Variants in MKX observed in about 807,000 individuals in gnomAD.
The protein encoded by MKX is homeobox protein Mohawk.
In MKX, 13 loss-of-function variants were observed where a neutral mutation model predicts 36.0. The ratio of observed to expected loss-of-function variants is 0.36; its 90% confidence interval spans 0.24 to 0.57. MKX has a LOEUF of 0.57. Among genes scored for constraint, MKX ranks in the 20% least tolerant of loss-of-function variants. MKX has a pLI of 0.79. For synonymous variants in MKX, 176 were observed against 178.3 expected (o/e 0.99, Z 0.10); for missense variants, 458 against 456.4 (o/e 1.00, Z -0.03).
rs1460647858 is a variant in MKX at position 27,674,670 on chromosome 10, C to T, written c.*559G>A. On this transcript the variant is annotated 3_prime_UTR_variant, in exon 7 of 7. Coordinates refer to ENST00000419761, the MANE Select transcript of MKX (RefSeq NM_173576.3). ...TGAATTTTGGAAGTTTGTAACATAT[C>T]AAATATGCAGGCAAGATACATGCAT... 1 of 152,206 alleles carries T rather than the reference C, an allele frequency of 6.6e-6. No individual in the cohort carries two copies. The highest frequency in any genetic ancestry group is 2.4e-5 in the African/African-American group (1 of 41,428). The allele number at this position is 152,206 out of a possible 1,614,324, so 9.4% of individuals were successfully genotyped here. A position where few individuals can be genotyped will look rare whatever the true frequency, so the allele number is the denominator to read the frequency against.
intron 5 of MKX, among the ~76,000 whole-genome samples, chr10:27,722,614 C>T (rs12246640): frequency 0.047 from 7,166 of 152,260 alleles, 551 homozygotes; most frequent in African/African-American, 0.16. Context: ...GCTCTGTCCA[C>T]ATTATAGCTT....
In MKX at chr10:27,673,470, G is replaced by T. The variant is rs1346441835; in HGVS notation, c.*1759C>A. ...TTTTCATTGACATGCTCACATTTTG[G>T]CATTTTTGTATTGTTTTGCAAAGAT... On this transcript the variant is annotated 3_prime_UTR_variant, in exon 7 of 7. Coordinates refer to ENST00000419761, the MANE Select transcript of MKX (RefSeq NM_173576.3). The T allele has an allele frequency of 6.6e-6, 1 of 152,366 alleles. No homozygotes were observed. Among genetic ancestry groups the T allele is most frequent in the Non-Finnish European group, 1.5e-5 (1 of 67,974 alleles). The allele number at this position is 152,366 out of a possible 1,614,324, so 9.4% of individuals were successfully genotyped here.
chr10:27,715,221 A>T (rs888804553), intron 5 of MKX, among the ~76,000 whole-genome samples: 1 of 152,074 alleles, frequency 6.6e-6, no homozygotes, highest in Non-Finnish European at 1.5e-5. Flanking sequence ...TGCCCTGGAC[A>T]CTGTGTTATG....
At chr10:27,692,864 G>A (rs57704247) in intron 5 of MKX, among the ~76,000 whole-genome samples, 10,050 of 152,174 alleles carry the variant, frequency 0.066, 792 homozygotes, top group East Asian at 0.26. Context: ...TCAGCCCTGC[G>A]AGGTAGCTGG....
At position 27,721,175 on chromosome 10, in the gene MKX, T is replaced by C. The variant is rs974160030; in HGVS notation, c.838+13281A>G. ...AAAGTCAATGAAATCCCAAATTAAC[T>C]TCTAACAAGAGTTTTTAAAATAGAA... On this transcript the variant is annotated intron_variant, in intron 5 of 6. Coordinates refer to ENST00000419761, the MANE Select transcript of MKX (RefSeq NM_173576.3). Among the ~76,000 whole-genome samples, 6 of 152,060 alleles carry C rather than the reference T, an allele frequency of 3.9e-5. No homozygotes were observed. In the East Asian group the frequency reaches 1.2e-3, roughly 29 times the overall value.
chr10:27,690,797 C>A (rs12217587), intron 5 of MKX, among the ~76,000 whole-genome samples: 16,661 of 152,098 alleles, frequency 0.11, 1,020 homozygotes, highest in East Asian at 0.3. Flanking sequence ...TCCTGTCATA[C>A]CTTAGGCCTT....
chr10:27,699,818 T>C (rs1018371027), intron 5 of MKX, among the ~76,000 whole-genome samples: 2 of 152,214 alleles, frequency 1.3e-5, no homozygotes, highest in East Asian at 3.8e-4. Flanking sequence ...ACTTGTTAAT[T>C]TGAAACAAAA....
intron 5 of MKX, among the ~76,000 whole-genome samples, chr10:27,732,611 T>TTTTTA (rs1834657201): frequency 6.6e-6 from 1 of 152,286 alleles, no homozygotes; most frequent in South Asian, 2.1e-4. Flanking sequence ...ATTTGACCTT[T>TTTTTA]TTTTATTTTA....
In MKX at chr10:27,741,196, G is replaced by T; in HGVS notation, c.348+149C>A. On this transcript the variant is annotated intron_variant, in intron 3 of 6. Transcript: ENST00000419761. The surrounding 1 kb of genome is among the most constrained non-coding windows in gnomAD (Gnocchi z 5.1). Reference sequence around the variant, plus strand: ...GCATCTGCACTGAACTGAGGGATGAGGGTGAGAGGTAATTCAGAAACTCCC... The same window carrying T: ...GCATCTGCACTGAACTGAGGGATGATGGTGAGAGGTAATTCAGAAACTCCC... 1.1e-6 allele frequency: 1 copy of T among 915,546 alleles called. No homozygotes were observed. The highest frequency in any genetic ancestry group is 1.7e-6 in the Non-Finnish European group (1 of 596,280). 56.7% of individuals were successfully genotyped at this position (915,546 alleles called of 1,614,324 possible).
In MKX at chr10:27,743,356, G is replaced by A. The variant is rs1481860952; in HGVS notation, c.60C>T (p.Ala20=). The change falls in exon 2 of 7, where the codon GCC becomes GCT. Residue 20 remains alanine, a synonymous_variant. Coordinates refer to ENST00000419761, the MANE Select transcript of MKX (RefSeq NM_173576.3). ...SGAVLFEDGG[A]SERERGGRPY... ...GCCGGCCACCCCGCTCCCGCTCCGA[G>A]GCGCCTCCGTCCTCAAACAGCACCG... 1.3e-6 allele frequency: 2 copies of A among 1,580,306 alleles called. No individual in the cohort carries two copies. Among genetic ancestry groups the A allele is most frequent in the South Asian group, 1.2e-5 (1 of 85,704 alleles).
In MKX at chr10:27,726,124, G is replaced by A. The variant is rs1055391942; in HGVS notation, c.838+8332C>T. ...GAAAGTCAATTATGATCAATTTGCT[G>A]ATAAATATCAGTAGAACCATAATGC... On this transcript the variant is annotated intron_variant, in intron 5 of 6. Coordinates refer to ENST00000419761, the MANE Select transcript of MKX (RefSeq NM_173576.3). Among the ~76,000 whole-genome samples the A allele has an allele frequency of 3.9e-4, 60 of 152,188 alleles. 1 individual carries two copies. Among genetic ancestry groups the A allele is most frequent in the Admixed American group, 3.7e-3 (56 of 15,264 alleles).
chr10:27,687,409 C>G (rs1836376953), intron 5 of MKX, among the ~76,000 whole-genome samples: 1 of 152,144 alleles, frequency 6.6e-6, no homozygotes, highest in Admixed American at 6.5e-5. Flanking sequence ...TTAATAACAA[C>G]AATAGGACAT....
At chr10:27,730,277 G>A (rs1421495543) in intron 5 of MKX, among the ~76,000 whole-genome samples, 1 of 152,142 alleles carries the variant, frequency 6.6e-6, no homozygotes, top group Non-Finnish European at 1.5e-5. Context: ...GGATTACAGA[G>A]AAATAATGTC....
intron 5 of MKX, among the ~76,000 whole-genome samples, chr10:27,689,679 C>G (rs1836418376): frequency 6.6e-6 from 1 of 152,116 alleles, no homozygotes; most frequent in African/African-American, 2.4e-5. Flanking sequence ...TCCCATGACC[C>G]CTTTTGACCA....
At chr10:27,709,238 C>CA (rs1028042748) in intron 5 of MKX, among the ~76,000 whole-genome samples, 14 of 152,046 alleles carry the variant, frequency 9.2e-5, no homozygotes, top group African/African-American at 2.9e-4. Context: ...GTTTATAATA[C>CA]AAAAAAATAC....
intron 5 of MKX, among the ~76,000 whole-genome samples, 184 bp downstream of exon 5, chr10:27,734,272 C>A (rs1422934039): frequency 6.6e-6 from 1 of 151,878 alleles, no homozygotes; most frequent in African/African-American, 2.4e-5. Context: ...TCAGTAAGAC[C>A]ATAATCTACT....
intron 5 of MKX, among the ~76,000 whole-genome samples, chr10:27,690,471 G>GTATT (rs1476624725): frequency 6.6e-6 from 1 of 152,218 alleles, no homozygotes; most frequent in Non-Finnish European, 1.5e-5. Flanking sequence ...TGCTTATACA[G>GTATT]TATTTGTCTG....
chr10:27,738,393 T>G (rs1189388104), intron 3 of MKX, among the ~76,000 whole-genome samples: 1 of 152,106 alleles, frequency 6.6e-6, no homozygotes, highest in Non-Finnish European at 1.5e-5. Flanking sequence ...AATTTTCCAC[T>G]TTTAATCTAC....
At chr10:27,682,758 A>T (rs957895479) in intron 5 of MKX, among the ~76,000 whole-genome samples, 10 of 152,032 alleles carry the variant, frequency 6.6e-5, no homozygotes, top group African/African-American at 2.4e-4. Flanking sequence ...AGGCGGGTGG[A>T]TCACAAGGTC....
Sources: gnomAD v4.1 joint callset for allele counts (sites outside exome capture counted in the v4.1 genomes callset) on GRCh38, gnomAD v4.1.1 for gene constraint, Gnocchi (gnomAD v3.1) non-coding constraint, MANE v1.5 for transcripts, NCBI Gene and HGNC (gene_info 2026-07-23, HGNC 2026-07-21) for gene names.